The following UMAD1 variants were observed in gnomAD, a reference collection of about 807,000 sequenced individuals.
UMAD1 encodes UBAP1-MVB12-associated (UMA) domain containing 1, also known as UBAP1-MVB12-associated (UMA)-domain containing protein 1.
In UMAD1, 8 loss-of-function variants were observed where a neutral mutation model predicts 6.1. That is an observed-to-expected ratio of 1.30 (90% confidence interval 0.76 to 2.35). The LOEUF (loss-of-function observed/expected upper bound fraction) is 2.35, where lower values mean the gene tolerates loss of function less well. Among genes scored for constraint, UMAD1 ranks in the 30% most tolerant of loss-of-function variants. The pLI is 0.00. For synonymous variants in UMAD1, 56 were observed against 31.4 expected, an observed-to-expected ratio of 1.78 and a Z score of -2.61; for missense variants, 130 against 78.4, an observed-to-expected ratio of 1.66 and a Z score of -2.49.
At chr7:7,683,629 TTC>T (rs1456657173) in intron 2 of UMAD1, among the ~76,000 whole-genome samples, 16 of 151,496 alleles carry the variant, frequency 1.1e-4, no homozygotes, top group Admixed American at 1.3e-4. Context: ...TCTTTTCCTT[TTC>T]TTTTTTTTAG....
At chr7:7,772,010 T>G (rs1412469125) in intron 2 of UMAD1, among the ~76,000 whole-genome samples, 3 of 152,154 alleles carry the variant, frequency 2.0e-5, no homozygotes, top group Non-Finnish European at 4.4e-5. Context: ...AGAAGCATGC[T>G]CTAACATTTT....
intron 2 of UMAD1, among the ~76,000 whole-genome samples, chr7:7,705,634 C>T (rs992023946): frequency 3.3e-5 from 5 of 152,044 alleles, no homozygotes; most frequent in African/African-American, 1.2e-4. Context: ...ATGAAACAGT[C>T]GAACTTATTT....
chr7:7,760,526 G>A (rs1372469288), intron 2 of UMAD1, among the ~76,000 whole-genome samples: 3 of 151,798 alleles, frequency 2.0e-5, no homozygotes, highest in Non-Finnish European at 2.9e-5. Context: ...AAAGTGAGGG[G>A]ATTTTTCTTT....
intron 2 of UMAD1, among the ~76,000 whole-genome samples, chr7:7,741,551 T>G (rs952927281): frequency 3.3e-5 from 5 of 149,952 alleles, no homozygotes; most frequent in African/African-American, 1.2e-4. Flanking sequence ...CACTCCAGCC[T>G]GGGCTACAGA....
intron 2 of UMAD1, among the ~76,000 whole-genome samples, chr7:7,789,462 T>C (rs1314753912): frequency 6.6e-6 from 1 of 151,586 alleles, no homozygotes; most frequent in Non-Finnish European, 1.5e-5. Context: ...ATTTCTTTAA[T>C]TTTTTAATTA....
intron 2 of UMAD1, among the ~76,000 whole-genome samples, chr7:7,788,018 C>T (rs1782492135): frequency 6.6e-6 from 1 of 152,170 alleles, no homozygotes; most frequent in African/African-American, 2.4e-5. Context: ...ATGTTTGCCG[C>T]AATGCACCAG....
intron 3 of UMAD1, among the ~76,000 whole-genome samples, chr7:7,828,240 A>G (rs1783385784): frequency 6.6e-6 from 1 of 152,224 alleles, no homozygotes; most frequent in South Asian, 2.1e-4. Context: ...TCCGGCATTC[A>G]GTAATAATAA....
intron 2 of UMAD1, among the ~76,000 whole-genome samples, chr7:7,714,641 A>T (rs1780847065): frequency 6.6e-6 from 1 of 152,152 alleles, no homozygotes; most frequent in African/African-American, 2.4e-5. Flanking sequence ...GGTTGTGTAC[A>T]ATGTATTATA....
chr7:7,755,167 T>C (rs187052319), intron 2 of UMAD1, among the ~76,000 whole-genome samples: 13 of 152,310 alleles, frequency 8.5e-5, no homozygotes, highest in Admixed American at 2.0e-4. Flanking sequence ...TAGACACAAA[T>C]ATTTTATTCT....
At chr7:7,793,937 C>T (rs1164883226) in intron 2 of UMAD1, among the ~76,000 whole-genome samples, 1 of 152,110 alleles carries the variant, frequency 6.6e-6, no homozygotes, top group African/African-American at 2.4e-5. Flanking sequence ...CAGTCAAATA[C>T]ACTTCGAAAA....
intron 2 of UMAD1, among the ~76,000 whole-genome samples, chr7:7,788,188 C>T (rs1782495629): frequency 6.6e-6 from 1 of 152,156 alleles, no homozygotes; most frequent in Admixed American, 6.5e-5. Context: ...TAAGTGATTG[C>T]ATATGTGTGA....
chr7:7,720,746 G>A lies in UMAD1; in HGVS notation c.82+47293G>A, dbSNP rs1164450089. On this transcript the variant is annotated intron_variant, in intron 2 of 3. Coordinates refer to ENST00000682710, the MANE Select transcript of UMAD1 (RefSeq NM_001302348.2). ...AAGGGGCATTTTACTGAAGAATTAA[G>A]AGCCTTCAGTGAAGGCTAAGTGCAG... is the stretch of plus-strand genomic sequence containing the variant. 2.6e-5 allele frequency among the ~76,000 whole-genome samples: 4 copies of A among 152,250 alleles called. No individual in the cohort carries two copies. In the East Asian group the frequency reaches 7.7e-4, roughly 29 times the overall value.
chr7:7,737,642 T>C (rs1223555983), intron 2 of UMAD1, among the ~76,000 whole-genome samples: 1 of 152,362 alleles, frequency 6.6e-6, no homozygotes, highest in African/African-American at 2.4e-5. Flanking sequence ...GGTTGTACTA[T>C]TATTTTAAAG....
At chr7:7,802,897 C>T (rs1263502245) in intron 3 of UMAD1, among the ~76,000 whole-genome samples, 1 of 152,096 alleles carries the variant, frequency 6.6e-6, no homozygotes, top group Non-Finnish European at 1.5e-5. Context: ...TTATATTTTT[C>T]ACCGTGAACA....
chr7:7,646,066 G>A (rs1785086832), intron 1 of UMAD1, among the ~76,000 whole-genome samples: 1 of 152,184 alleles, frequency 6.6e-6, no homozygotes, highest in Non-Finnish European at 1.5e-5. Context: ...CCAGCCCCAT[G>A]GCAGTGTCTA....
Position 7,745,839 on chromosome 7 carries a change from C to A in UMAD1, c.83-55831C>A, listed in dbSNP as rs182594620. ...AGCTCTTTGCTCAGTCTCTCTGGGC[C>A]CTGAAAGTTTACATTGATTCCTTAT... On this transcript the variant is annotated intron_variant, in intron 2 of 3. Transcript: ENST00000682710. 5.3e-5 allele frequency among the ~76,000 whole-genome samples: 8 copies of A among 152,234 alleles called. No individual in the cohort carries two copies. In the East Asian group the frequency reaches 1.5e-3, roughly 29 times the overall value.
intron 3 of UMAD1, among the ~76,000 whole-genome samples, chr7:7,825,157 G>T (rs1398510220): frequency 6.6e-6 from 1 of 151,992 alleles, no homozygotes; most frequent in African/African-American, 2.4e-5. Context: ...GGCGCAGGGG[G>T]GAGTGTAATC....
At chr7:7,871,976 A>C (rs989021280) in intron 3 of UMAD1, among the ~76,000 whole-genome samples, 1 of 152,072 alleles carries the variant, frequency 6.6e-6, no homozygotes, top group East Asian at 1.9e-4. Flanking sequence ...TGCCACACTC[A>C]GTCTCCCACC....
intron 2 of UMAD1, among the ~76,000 whole-genome samples, chr7:7,766,956 T>C (rs1021506210): frequency 1.3e-5 from 2 of 152,174 alleles, no homozygotes; most frequent in Non-Finnish European, 2.9e-5. Flanking sequence ...TCTATAGGCA[T>C]TCTTGCCTAT....
Sources: allele counts gnomAD v4.1 joint callset (sites outside exome capture counted in the v4.1 genomes callset), GRCh38; gene constraint gnomAD v4.1.1; transcripts MANE v1.5; gene names NCBI Gene and HGNC (gene_info 2026-07-23, HGNC 2026-07-21).